SGCG: variants seen among roughly 807,000 people sequenced by gnomAD.
The protein encoded by SGCG is gamma-sarcoglycan.
A neutral mutation model predicts 29.3 loss-of-function variants in SGCG; 26 were observed. The observed-to-expected ratio is 0.89, with a 90% CI of 0.65 to 1.23. The LOEUF is 1.23. Among genes scored for constraint, SGCG ranks in the 50% most tolerant of loss-of-function variants. SGCG has a pLI of 0.00. For missense variants in SGCG, 353 were observed against 356.0 expected, an observed-to-expected ratio of 0.99 and a Z score of 0.07; for synonymous variants, 145 against 129.7, an observed-to-expected ratio of 1.12 and a Z score of -0.80.
chr13:23,250,530 G>T, intron 3 of SGCG, 100 bp from the exon 4 acceptor site: 1 of 714,980 alleles, frequency 1.4e-6, no homozygotes, highest in South Asian at 1.6e-5. Context: ...TGTAACAATG[G>T]ATAAATAATT....
At chr13:23,175,888 G>A in the SGCG span, among the ~76,000 whole-genome samples, 1 of 152,056 alleles carries the variant, frequency 6.6e-6, no homozygotes, top group Admixed American at 6.6e-5. Context: ...CAAAGAATAT[G>A]AGTGAGAATC....
the SGCG span, among the ~76,000 whole-genome samples, chr13:23,174,558 A>G: frequency 6.6e-6 from 1 of 152,304 alleles, no homozygotes; most frequent in African/African-American, 2.4e-5. Flanking sequence ...GACAACTAAG[A>G]TAGAATGTCA....
chr13:23,294,954 T>C (rs1881847231), intron 5 of SGCG, among the ~76,000 whole-genome samples: 1 of 152,216 alleles, frequency 6.6e-6, no homozygotes, highest in Non-Finnish European at 1.5e-5. Context: ...TTCTAGGAAT[T>C]AGAAGGTTCA....
rs182122952 is a variant in SGCG at position 23,187,650 on chromosome 13, C to T, written c.-1+6575C>T. 3.5e-3 allele frequency among the ~76,000 whole-genome samples: 536 copies of T among 152,230 alleles called. 5 individuals carry two copies. Among genetic ancestry groups the T allele is most frequent in the Middle Eastern group, 0.02 (6 of 294 alleles). On this transcript the variant is annotated intron_variant, in intron 1 of 7. Transcript: ENST00000218867. ...GAGAGGTGCATTAGTGGTGGGTGACCGGGACTCTGGGTCCCTCGCACATGT... is the reference window on the plus strand; with the variant it reads ...GAGAGGTGCATTAGTGGTGGGTGACTGGGACTCTGGGTCCCTCGCACATGT...
chr13:23,244,673 T>C (rs1879631364), intron 3 of SGCG: 1 of 152,138 alleles, frequency 6.6e-6, no homozygotes. Context: ...TCCTTAACAA[T>C]ATGATTCAGG....
chr13:23,176,783 T>C (rs1254511833), upstream of SGCG, among the ~76,000 whole-genome samples: 3 of 152,224 alleles, frequency 2.0e-5, no homozygotes, highest in Non-Finnish European at 4.4e-5. Context: ...AATTGTTTCC[T>C]GGCTGTTTTG....
At chr13:23,193,945 G>A (rs1391112054) in intron 1 of SGCG, among the ~76,000 whole-genome samples, 1 of 151,792 alleles carries the variant, frequency 6.6e-6, no homozygotes, top group Non-Finnish European at 1.5e-5. Context: ...AAAGGTAGAG[G>A]GTAAAATTAG....
chr13:23,306,780 A>G (rs1566040923), intron 6 of SGCG, among the ~76,000 whole-genome samples: 1 of 152,216 alleles, frequency 6.6e-6, no homozygotes, highest in Non-Finnish European at 1.5e-5. Context: ...AAAATACAAA[A>G]TGTCAGAAAA....
chr13:23,226,262 ATAAAAGAAAAAGCAT>A (rs1216399636), intron 2 of SGCG, among the ~76,000 whole-genome samples: 8 of 152,258 alleles, frequency 5.3e-5, no homozygotes, highest in Non-Finnish European at 1.2e-4. Flanking sequence ...CAGTTTGCAA[ATAAAAGAAAAAGCAT>A]ATACCAAATC....
At chr13:23,179,518 T>C (rs556894153), upstream of SGCG, among the ~76,000 whole-genome samples, 2 of 152,378 alleles carry the variant, frequency 1.3e-5, no homozygotes, top group East Asian at 1.9e-4. Flanking sequence ...TTTCAGACTT[T>C]GACTTTTCAG....
chr13:23,313,458 C>A (rs763577162), intron 6 of SGCG, among the ~76,000 whole-genome samples: 2 of 152,284 alleles, frequency 1.3e-5, no homozygotes, highest in East Asian at 1.9e-4. Flanking sequence ...AGCCACTGAG[C>A]CTGGCCTTCT....
chr13:23,219,506 G>A (rs1339286236), intron 2 of SGCG, among the ~76,000 whole-genome samples: 1 of 152,082 alleles, frequency 6.6e-6, no homozygotes, highest in Non-Finnish European at 1.5e-5. Flanking sequence ...TAGTATTAAA[G>A]GAATTTTTCT....
upstream of SGCG, among the ~76,000 whole-genome samples, chr13:23,178,436 G>A (rs186885899): frequency 6.6e-6 from 1 of 152,310 alleles, no homozygotes; most frequent in East Asian, 1.9e-4. Flanking sequence ...GTGTTGTATT[G>A]GAGGAATTGT....
At chr13:23,315,212 T>C (rs1340918735) in intron 6 of SGCG, among the ~76,000 whole-genome samples, 1 of 152,156 alleles carries the variant, frequency 6.6e-6, no homozygotes, top group Non-Finnish European at 1.5e-5. Flanking sequence ...GTTACTGGGC[T>C]TTGGTGGAAA....
At chr13:23,264,670 CA>C (rs1348428710) in intron 4 of SGCG, among the ~76,000 whole-genome samples, 3 of 152,106 alleles carry the variant, frequency 2.0e-5, no homozygotes, top group Non-Finnish European at 1.5e-5. Flanking sequence ...TACCGGACTT[CA>C]AATTATACTA....
chr13:23,206,552 G>T (rs1877988095), intron 2 of SGCG, among the ~76,000 whole-genome samples: 1 of 151,920 alleles, frequency 6.6e-6, no homozygotes, highest in Non-Finnish European at 1.5e-5. Context: ...TTATTCATTT[G>T]TTGTCTGTAG....
At chr13:23,225,587 C>T (rs1878862613) in intron 2 of SGCG, among the ~76,000 whole-genome samples, 2 of 152,160 alleles carry the variant, frequency 1.3e-5, no homozygotes, top group South Asian at 4.1e-4. Flanking sequence ...ATTTCACTGT[C>T]CATAACACTC....
intron 2 of SGCG, among the ~76,000 whole-genome samples, chr13:23,207,060 T>C (rs537790011): frequency 7.3e-4 from 111 of 152,326 alleles, no homozygotes; most frequent in African/African-American, 2.6e-3. Context: ...CTTCCTGATT[T>C]TGAAATATAT....
At chr13:23,205,763 C>A (rs543827628) in intron 2 of SGCG, among the ~76,000 whole-genome samples, 1 of 152,016 alleles carries the variant, frequency 6.6e-6, no homozygotes. Context: ...ATCCCCTGCC[C>A]TTTCTAGTGA....
Sources: gnomAD v4.1 joint callset for allele counts (sites outside exome capture counted in the v4.1 genomes callset) on GRCh38, gnomAD v4.1.1 for gene constraint, MANE v1.5 for transcripts, NCBI Gene and HGNC (gene_info 2026-07-23, HGNC 2026-07-21) for gene names.